The following NOS1AP variants were observed in gnomAD, a reference collection of about 807,000 sequenced individuals.
NOS1AP encodes carboxyl-terminal PDZ ligand of neuronal nitric oxide synthase protein.
In NOS1AP, 21 loss-of-function variants were observed where a neutral mutation model predicts 56.2. The ratio of observed to expected loss-of-function variants is 0.37; its 90% CI spans 0.26 to 0.54. NOS1AP has a LOEUF of 0.54. NOS1AP is among the 20% of genes least tolerant of loss of function. The pLI is 0.84. For synonymous variants in NOS1AP, 270 were observed against 274.6 expected (o/e 0.98, Z 0.17); for missense variants, 522 against 657.8 (o/e 0.79, Z 2.26).
At chr1:162,264,618 T>G (rs1212575688) in intron 2 of NOS1AP, among the ~76,000 whole-genome samples, 40 of 151,272 alleles carry the variant, frequency 2.6e-4, no homozygotes, top group Non-Finnish European at 2.2e-4. Flanking sequence ...GTGATTCTCG[T>G]GCCTCAGCCT....
chr1:162,322,080 A>AC (rs1656441508), intron 4 of NOS1AP, among the ~76,000 whole-genome samples: 1 of 152,194 alleles, frequency 6.6e-6, no homozygotes, highest in African/African-American at 2.4e-5. Context: ...ATTTCTAAAA[A>AC]ACACACAAAA....
intron 6 of NOS1AP, among the ~76,000 whole-genome samples, chr1:162,348,046 G>C (rs1002757819): frequency 3.3e-5 from 5 of 152,200 alleles, no homozygotes; most frequent in African/African-American, 9.6e-5. Flanking sequence ...TTAGTCCACT[G>C]TGTACCAGAC....
chr1:162,098,436 C>T (rs564333028), intron 1 of NOS1AP, among the ~76,000 whole-genome samples: 18 of 151,736 alleles, frequency 1.2e-4, no homozygotes, highest in Admixed American at 5.2e-4. Flanking sequence ...TTGTATCTAC[C>T]TTTTGTTGGA....
intron 2 of NOS1AP, among the ~76,000 whole-genome samples, chr1:162,181,160 T>C (rs529232873): frequency 3.3e-5 from 5 of 152,322 alleles, no homozygotes; most frequent in African/African-American, 1.2e-4. Flanking sequence ...AAAAGAGGAC[T>C]GGGCAGGGTT....
intron 2 of NOS1AP, among the ~76,000 whole-genome samples, chr1:162,216,127 C>T (rs1652561271): frequency 6.6e-6 from 1 of 152,214 alleles, no homozygotes; most frequent in Non-Finnish European, 1.5e-5. Context: ...CATCAGTCTT[C>T]TGAGTCCATT....
Position 162,312,152 on chromosome 1 carries a change from C to T in NOS1AP, c.344+11446C>T, listed in dbSNP as rs1321418759. ...TTCCAGTTCTAGATCCCTGAGGAATCGCCACACTGATTTCCACAATGGTTG... is the reference window on the plus strand; with the variant it reads ...TTCCAGTTCTAGATCCCTGAGGAATTGCCACACTGATTTCCACAATGGTTG... On this transcript the variant is annotated intron_variant, in intron 4 of 9. Transcript: ENST00000361897. Among the ~76,000 whole-genome samples, 12 of 150,244 alleles carry T rather than the reference C, an allele frequency of 8.0e-5. 1 individual carries two copies. Among genetic ancestry groups the T allele is most frequent in the Non-Finnish European group, 8.9e-5 (6 of 67,750 alleles).
At chr1:162,072,569 T>G (rs1691682238) in intron 1 of NOS1AP, among the ~76,000 whole-genome samples, 1 of 151,970 alleles carries the variant, frequency 6.6e-6, no homozygotes, top group Non-Finnish European at 1.5e-5. Context: ...TTGAGAGAGG[T>G]GAGGCAGAGA....
chr1:162,235,152 A>G lies in NOS1AP; in HGVS notation c.178-52192A>G, dbSNP rs543376977. ...AAACATTTTAAAACTTTTTTTTTTA[A>G]CTTGCCAAGTGTTATGAGGTTTAGA... On this transcript the variant is annotated intron_variant, in intron 2 of 9. Transcript: ENST00000361897. Among the ~76,000 whole-genome samples, 26 of 152,004 alleles carry G rather than the reference A, an allele frequency of 1.7e-4. No homozygotes were observed. In the South Asian group the frequency reaches 4.8e-3, roughly 28 times the overall value.
intron 2 of NOS1AP, among the ~76,000 whole-genome samples, chr1:162,252,298 C>T (rs1035361915): frequency 6.6e-6 from 1 of 152,158 alleles, no homozygotes; most frequent in African/African-American, 2.4e-5. Context: ...CGGGCCACTT[C>T]CTCCTCCCAA....
chr1:162,198,976 C>T (rs1439692558), intron 2 of NOS1AP, among the ~76,000 whole-genome samples: 1 of 152,096 alleles, frequency 6.6e-6, no homozygotes, highest in Admixed American at 6.5e-5. Flanking sequence ...TACCCCTCCG[C>T]ATAATGCCCT....
chr1:162,229,879 GC>G (rs1235319235), intron 2 of NOS1AP, among the ~76,000 whole-genome samples: 7 of 152,136 alleles, frequency 4.6e-5, no homozygotes, highest in African/African-American at 1.7e-4. Flanking sequence ...ACTGCTCAAA[GC>G]CTTGTGACAC....
At chr1:162,248,202 A>T (rs1173853167) in intron 2 of NOS1AP, among the ~76,000 whole-genome samples, 2 of 152,218 alleles carry the variant, frequency 1.3e-5, no homozygotes, top group Admixed American at 6.5e-5. Flanking sequence ...GTGTTTGACA[A>T]GTGATAACAT....
At chr1:162,143,546 C>T (rs977617364) in intron 1 of NOS1AP, among the ~76,000 whole-genome samples, 6 of 152,130 alleles carry the variant, frequency 3.9e-5, no homozygotes, top group Admixed American at 2.6e-4. Flanking sequence ...CCTTGACCTC[C>T]GGGGCTCAAG....
At chr1:162,164,038 G>A (rs1017759946) in intron 2 of NOS1AP, among the ~76,000 whole-genome samples, 4 of 152,182 alleles carry the variant, frequency 2.6e-5, no homozygotes, top group African/African-American at 9.7e-5. Context: ...CAAAACAGAT[G>A]CTATCTTTTA....
At chr1:162,108,194 G>T (rs1455153856) in intron 1 of NOS1AP, among the ~76,000 whole-genome samples, 2 of 152,120 alleles carry the variant, frequency 1.3e-5, no homozygotes, top group Non-Finnish European at 2.9e-5. Context: ...CAGATTTGGA[G>T]CAGGAGATAT....
rs146745025 is a variant in NOS1AP, at chr1:162,314,501, T to C, written c.344+13795T>C. 4.0e-3 allele frequency among the ~76,000 whole-genome samples: 615 copies of C among 152,356 alleles called. 6 individuals are homozygous for C. Among genetic ancestry groups the C allele is most frequent in the African/African-American group, 0.014 (587 of 41,576 alleles). ...AATTTCCTTACTCTGTGCTTCATTTTATTCTTCTTAAATGTGTAAAGGGAA... is the reference window on the plus strand; with the variant it reads ...AATTTCCTTACTCTGTGCTTCATTTCATTCTTCTTAAATGTGTAAAGGGAA... On this transcript the variant is annotated intron_variant, in intron 4 of 9. Coordinates refer to ENST00000361897, the MANE Select transcript of NOS1AP (RefSeq NM_014697.3).
At chr1:162,080,227 A>G (rs1218874954) in intron 1 of NOS1AP, among the ~76,000 whole-genome samples, 1 of 152,144 alleles carries the variant, frequency 6.6e-6, no homozygotes, top group Non-Finnish European at 1.5e-5. Flanking sequence ...TTTAAAAGTT[A>G]TTTAAAATGG....
intron 2 of NOS1AP, among the ~76,000 whole-genome samples, chr1:162,265,689 A>C (rs531132569): frequency 1.2e-3 from 189 of 152,284 alleles, no homozygotes; most frequent in Middle Eastern, 3.4e-3. Context: ...CATTTTACAG[A>C]TGAGAAAACT....
At chr1:162,321,541 G>A (rs990870536) in intron 4 of NOS1AP, among the ~76,000 whole-genome samples, 1 of 151,936 alleles carries the variant, frequency 6.6e-6, no homozygotes, top group Non-Finnish European at 1.5e-5. Flanking sequence ...GACACAGGGT[G>A]GGGGACATCA....
Sources: gnomAD v4.1 joint callset for allele counts (sites outside exome capture counted in the v4.1 genomes callset) on GRCh38, gnomAD v4.1.1 for gene constraint, MANE v1.5 for transcripts, NCBI Gene and HGNC (gene_info 2026-07-23, HGNC 2026-07-21) for gene names.